ANKRD11: variants seen among roughly 807,000 people sequenced by gnomAD.
ANKRD11 encodes the protein ankyrin repeat domain-containing protein 11.
ANKRD11 carries 17 observed loss-of-function variants against 195.7 expected under a neutral mutation model. That is an observed-to-expected ratio of 0.09 (90% CI 0.06 to 0.13). ANKRD11 has a LOEUF of 0.13. Ranked by LOEUF, ANKRD11 falls within the 10% of genes least tolerant of loss-of-function variation. The pLI is 1.00. For missense variants in ANKRD11, 3,735 were observed against 3,566.1 expected (o/e 1.05, Z -1.21); for synonymous variants, 1,953 against 1,528.1 (o/e 1.28, Z -6.49).
intron 3 of ANKRD11, among the ~76,000 whole-genome samples, chr16:89,308,904 G>A (rs1431333311): frequency 6.6e-6 from 1 of 152,188 alleles, no homozygotes; most frequent in Admixed American, 6.5e-5. Flanking sequence ...GGTGCGCGCA[G>A]CCTCGTGGAG....
At position 89,279,110 on chromosome 16, in the gene ANKRD11, G is replaced by A. The variant is rs760387474; in HGVS notation, c.7432C>T (p.Leu2478=). The A allele has an allele frequency of 8.7e-6, 14 of 1,614,066 alleles. No homozygotes were observed. Among genetic ancestry groups the A allele is most frequent in the Non-Finnish European group, 1.2e-5 (14 of 1,179,996 alleles). The part of the protein sequence containing the change: ...EYVTYTGSYL[L]DGKPLSKLHI... ...AGCTTGCTGAGCGGCTTGCCGTCCA[G>A]GAGGTAGGAGCCCGTGTAGGTGACG... The change falls in exon 9 of 13, where the codon CTG becomes TTG. Residue 2478 remains leucine (L), a synonymous_variant. Coordinates refer to ENST00000301030, the MANE Select transcript of ANKRD11 (RefSeq NM_013275.6). This position sits in a 1 kb window ranked among gnomAD's most constrained non-coding sequence, Gnocchi z 5.6.
chr16:89,273,280 A>C (rs1359265549), intron 11 of ANKRD11, among the ~76,000 whole-genome samples: 1 of 152,134 alleles, frequency 6.6e-6, no homozygotes, highest in African/African-American at 2.4e-5. Context: ...GGTCCTCCTC[A>C]TTTTTGCTCT....
intron 2 of ANKRD11, among the ~76,000 whole-genome samples, chr16:89,340,477 G>C (rs1172023206): frequency 6.6e-6 from 1 of 152,166 alleles, no homozygotes; most frequent in Non-Finnish European, 1.5e-5. Flanking sequence ...GTTTCACAAT[G>C]TTGTCCAGGC....
chr16:89,313,047 G>A (rs997161746), intron 3 of ANKRD11, among the ~76,000 whole-genome samples: 5 of 152,158 alleles, frequency 3.3e-5, no homozygotes, highest in African/African-American at 1.2e-4. Context: ...GCCCATGGAC[G>A]CCATCTCCAG....
At chr16:89,336,821 C>G (rs1010863569) in intron 2 of ANKRD11, among the ~76,000 whole-genome samples, 2 of 152,044 alleles carry the variant, frequency 1.3e-5, no homozygotes, top group Non-Finnish European at 2.9e-5. Flanking sequence ...AAAGGAATGT[C>G]TTTCCATTAG....
At chr16:89,471,530 C>T (rs1256656369) in intron 1 of ANKRD11, among the ~76,000 whole-genome samples, 3 of 152,104 alleles carry the variant, frequency 2.0e-5, no homozygotes, top group South Asian at 4.1e-4. Flanking sequence ...TGGTGCCTCA[C>T]GCCTATAATC....
At chr16:89,479,980 A>G (rs2057390547) in intron 1 of ANKRD11, among the ~76,000 whole-genome samples, 1 of 148,918 alleles carries the variant, frequency 6.7e-6, no homozygotes, top group Admixed American at 6.7e-5. Flanking sequence ...GCGTGATGGC[A>G]CACACCTCTA....
At position 89,366,764 on chromosome 16, in the gene ANKRD11, G is replaced by A. The variant is rs2039967520; in HGVS notation, c.-59-49686C>T. ...GCAGCTCTCTTGAATGTGTGCTATG[G>A]GTACACCAAGTCCCACTTCCGGGGG... On this transcript the variant is annotated intron_variant, in intron 2 of 12. Coordinates refer to ENST00000301030, the MANE Select transcript of ANKRD11 (RefSeq NM_013275.6). Among the ~76,000 whole-genome samples, 16 of 152,266 alleles carry A rather than the reference G, an allele frequency of 1.1e-4. No homozygotes were observed. The South Asian group carries it at 3.3e-3, about 32-fold the overall frequency.
chr16:89,443,927 C>G (rs529640104), intron 1 of ANKRD11, among the ~76,000 whole-genome samples: 1 of 152,274 alleles, frequency 6.6e-6, no homozygotes, highest in East Asian at 1.9e-4. Flanking sequence ...CCGTGCCGGG[C>G]CGGCGTCAAC....
Position 89,401,162 on chromosome 16 carries a change from C to T in ANKRD11, c.-60+17122G>A, listed in dbSNP as rs973172651. On this transcript the variant is annotated intron_variant, in intron 2 of 12. Transcript: ENST00000301030. The stretch of plus-strand genomic sequence containing the variant: ...AGGCTGGAGTGCAATGGTGTGATCT[C>T]GACTCATTGCAACCTCTGCCTCCCA... 4.6e-5 allele frequency among the ~76,000 whole-genome samples: 6 copies of T among 130,278 alleles called. No homozygotes were observed. In the East Asian group the frequency reaches 8.1e-4, roughly 18 times the overall value. 85.5% of individuals were successfully genotyped at this position (130,278 alleles called of 152,430 possible).
In ANKRD11 at chr16:89,472,636, C is replaced by T. The variant is rs542047351; in HGVS notation, c.-145+17609G>A. Among the ~76,000 whole-genome samples the T allele has an allele frequency of 1.9e-3, 285 of 152,288 alleles. 2 individuals carry two copies. Among genetic ancestry groups the T allele is most frequent in the African/African-American group, 6.4e-3 (266 of 41,554 alleles). On this transcript the variant is annotated intron_variant, in intron 1 of 12. Transcript: ENST00000301030. ...CCATTCCACTGCGCCCAGCTTATTCCATTCTAATGGCTGTGCACACCGTTT... is the reference window on the plus strand; with the variant it reads ...CCATTCCACTGCGCCCAGCTTATTCTATTCTAATGGCTGTGCACACCGTTT...
At chr16:89,331,048 G>C (rs1445406121) in intron 2 of ANKRD11, among the ~76,000 whole-genome samples, 1 of 152,162 alleles carries the variant, frequency 6.6e-6, no homozygotes, top group East Asian at 1.9e-4. Context: ...CTGCCTCCCA[G>C]GTTCAAGCAA....
At chr16:89,278,747 GGGAGT>G in intron 9 of ANKRD11, 1 of 544,644 alleles carries the variant, frequency 1.8e-6, no homozygotes, top group Non-Finnish European at 3.5e-6. Context: ...CTGGTGGACG[GGGAGT>G]GGAGAGGGGA....
chr16:89,403,706 G>T (rs1296696801), intron 2 of ANKRD11: 1 of 152,208 alleles, frequency 6.6e-6, no homozygotes, highest in African/African-American at 2.4e-5. Context: ...GAGGCAGGAA[G>T]ATGACTTGAG....
rs1340326890 is a variant in ANKRD11, at chr16:89,280,830, T to G, written c.5712A>C (p.Glu1904Asp). Residue 1904 changes from glutamate (E) to aspartate (D), a missense_variant, in exon 9 of 13, where the codon GAA becomes GAC. Coordinates refer to ENST00000301030, the MANE Select transcript of ANKRD11 (RefSeq NM_013275.6). Reference sequence around the variant, plus strand: ...TGTCCAGGTCCGGGGGAAGGGCCCCTTCGAGGGAAGGAACCAGCAGCTCGG... The same window carrying G: ...TGTCCAGGTCCGGGGGAAGGGCCCCGTCGAGGGAAGGAACCAGCAGCTCGG... ...PRAELLVPSL[E>D]GALPPDLDTS... 1.2e-6 allele frequency: 2 copies of G among 1,600,948 alleles called. No individual in the cohort carries two copies. Among genetic ancestry groups the G allele is most frequent in the South Asian group, 2.2e-5 (2 of 90,576 alleles).
intron 2 of ANKRD11, among the ~76,000 whole-genome samples, chr16:89,359,335 A>G (rs1460342753): frequency 6.6e-6 from 1 of 152,148 alleles, no homozygotes; most frequent in Non-Finnish European, 1.5e-5. Flanking sequence ...CATACAACTC[A>G]ATCGCACGTA....
At chr16:89,309,843 T>A (rs527269843) in intron 3 of ANKRD11, among the ~76,000 whole-genome samples, 52 of 152,284 alleles carry the variant, frequency 3.4e-4, no homozygotes, top group Middle Eastern at 3.4e-3. Context: ...GCACCTCCTG[T>A]AAGGCCCCAC....
At chr16:89,474,184 C>T (rs576712798) in intron 1 of ANKRD11, among the ~76,000 whole-genome samples, 5 of 152,292 alleles carry the variant, frequency 3.3e-5, no homozygotes, top group African/African-American at 1.2e-4. Context: ...GATAAGATCA[C>T]AGTCCCACCC....
intron 2 of ANKRD11, among the ~76,000 whole-genome samples, chr16:89,408,874 A>C (rs547914707): frequency 6.6e-6 from 1 of 152,254 alleles, no homozygotes; most frequent in Non-Finnish European, 1.5e-5. Flanking sequence ...ACATAAGTGA[A>C]GATATCTAGC....
Sources: gnomAD v4.1 joint callset for allele counts (sites outside exome capture counted in the v4.1 genomes callset) on GRCh38, gnomAD v4.1.1 for gene constraint, Gnocchi (gnomAD v3.1) non-coding constraint, MANE v1.5 for transcripts, NCBI Gene and HGNC (gene_info 2026-07-23, HGNC 2026-07-21) for gene names.